MFRP: variants seen among roughly 807,000 people sequenced by gnomAD.
The protein encoded by MFRP is C1q and TNF related 5.
In MFRP, 74 loss-of-function variants were observed where a neutral mutation model predicts 65.8. The observed-to-expected ratio is 1.12, with a 90% CI of 0.93 to 1.36. The LOEUF (loss-of-function observed/expected upper bound fraction) is 1.36. MFRP is among the 40% of genes most tolerant of loss of function. The pLI is 0.00. For missense variants in MFRP, 838 were observed against 736.0 expected (o/e 1.14, Z -1.60); for synonymous variants, 336 against 288.3 (o/e 1.17, Z -1.68).
At chr11:119,344,438 C>T (rs1353832592) in intron 7 of MFRP, 47 bp from the exon 8 acceptor site, 1 of 1,586,780 alleles carries the variant, frequency 6.3e-7, no homozygotes, top group Non-Finnish European at 8.6e-7. Flanking sequence ...ATCTGTGCCT[C>T]CATCCAATAG....
chr11:119,342,826 CT>C lies in MFRP; in HGVS notation c.1255+46del, dbSNP rs752936411. On this transcript the variant is annotated intron_variant, in intron 10 of 14. Coordinates refer to ENST00000619721, the MANE Select transcript of MFRP (RefSeq NM_031433.4). The stretch of plus-strand genomic sequence containing the variant: ...GGGTCCAGAGCCCTTGTCTGTCCCC[CT>C]GGAGGTGCCTCTACTGCCCCCACCC... The C allele has an allele frequency of 1.3e-4, 203 of 1,613,074 alleles. No individual in the cohort carries two copies. In the African/African-American group the frequency reaches 2.5e-3, roughly 20 times the overall value.
At chr11:119,340,010 T>A (rs1408382426) in intron 14 of MFRP, among the ~76,000 whole-genome samples, 162 bp from the exon 15 acceptor site, 1 of 152,060 alleles carries the variant, frequency 6.6e-6, no homozygotes, top group African/African-American at 2.4e-5. Context: ...AGGGCAGATC[T>A]GGGGGGCTGG....
In MFRP at chr11:119,345,865, G is replaced by A. The variant is rs145883448; in HGVS notation, c.335C>T (p.Thr112Met). ...HSPLPAGGLTTTTTTPTITTS... is the reference protein window; with the variant it reads ...HSPLPAGGLTMTTTTPTITTS... ...GGTGATGGTGGGGGTGGTGGTGGTCGTGGTAAGGCCTCCGGCAGGCAGTGG... is the reference window on the plus strand; with the variant it reads ...GGTGATGGTGGGGGTGGTGGTGGTCATGGTAAGGCCTCCGGCAGGCAGTGG... The change falls in exon 4 of 15, where the codon ACG (threonine) becomes ATG (methionine). Residue 112 changes from threonine (T) to methionine (M), a missense_variant. Physicochemically the swap from Thr to Met is moderately conservative, Grantham distance 81. Transcript: ENST00000619721. 170 of 1,613,670 alleles carry A rather than the reference G, an allele frequency of 1.1e-4. 1 individual carries two copies. Among genetic ancestry groups the A allele is most frequent in the Non-Finnish European group, 1.3e-4 (149 of 1,179,888 alleles).
chr11:119,344,065 G>A, intron 8 of MFRP, 101 bp from the exon 9 acceptor site: 1 of 1,467,980 alleles, frequency 6.8e-7, no homozygotes, highest in South Asian at 1.2e-5. Context: ...GGGGGGATGG[G>A]GTGGTGCTTT....
In MFRP at chr11:119,339,786, C is replaced by A; in HGVS notation, c.*1173G>T. The A allele has an allele frequency of 6.6e-7, 1 of 1,513,084 alleles. No homozygotes were observed. The highest frequency in any genetic ancestry group is 8.8e-7 in the Non-Finnish European group (1 of 1,135,388). 93.7% of individuals were successfully genotyped at this position (1,513,084 alleles called of 1,614,324 possible). A position where few individuals can be genotyped will look rare whatever the true frequency, so the allele number is the denominator to read the frequency against. On this transcript the variant is annotated 3_prime_UTR_variant, in exon 15 of 15. Coordinates refer to ENST00000619721, the MANE Select transcript of MFRP (RefSeq NM_031433.4). This position sits in a 1 kb window ranked among gnomAD's most constrained non-coding sequence, Gnocchi z 5.4. ...GGCACCGAGCACTCCCCGGCAGGCCCGGTGGGCCCCGCGGGTCCCGCCTCT... is the reference window on the plus strand; with the variant it reads ...GGCACCGAGCACTCCCCGGCAGGCCAGGTGGGCCCCGCGGGTCCCGCCTCT...
At chr11:119,343,764 G>GT in intron 9 of MFRP, 52 bp downstream of exon 9, 2 of 1,609,488 alleles carry the variant, frequency 1.2e-6, no homozygotes, top group Non-Finnish European at 1.7e-6. Flanking sequence ...GAAGCCGGGG[G>GT]TGGCAGACAG....
In MFRP at chr11:119,340,179, C is replaced by G; in HGVS notation, c.*1110+5G>C. ...CCACCGATAGCCGCGGCGGTGCCTT[C>G]TTACCCGGCCTCCCGCCCTCGCCTT... On this transcript the variant is annotated splice_donor_5th_base_variant and intron_variant, in intron 14 of 14. Coordinates refer to ENST00000619721, the MANE Select transcript of MFRP (RefSeq NM_031433.4). 6.6e-7 allele frequency: 1 copy of G among 1,514,642 alleles called. No individual in the cohort carries two copies. Among genetic ancestry groups the G allele is most frequent in the East Asian group, 2.7e-5 (1 of 36,770 alleles). 93.8% of individuals were successfully genotyped at this position (1,514,642 alleles called of 1,614,324 possible). A position where few individuals can be genotyped will look rare whatever the true frequency, so the allele number is the denominator to read the frequency against.
chr11:119,342,889 G>A lies in MFRP; in HGVS notation c.1239C>T (p.Ala413=), dbSNP rs752871438. The change falls in exon 10 of 15, where the codon GCC becomes GCT. Residue 413 remains alanine, a synonymous_variant. Coordinates refer to ENST00000619721, the MANE Select transcript of MFRP (RefSeq NM_031433.4). ...GGCACCTACTCTCCGTGGCATTGAA[G>A]GCCAGGTAGGTGGCTGAGAAGCCTC... ...SSGGFSATYL[A]FNATENPCGP... 29 of 1,612,950 alleles carry A rather than the reference G, an allele frequency of 1.8e-5. No individual in the cohort carries two copies. The highest frequency in any genetic ancestry group is 2.4e-5 in the Non-Finnish European group (28 of 1,179,944).
intron 11 of MFRP, 145 bp downstream of exon 11, chr11:119,342,451 T>C (rs1022790752): frequency 9.8e-7 from 1 of 1,019,954 alleles, no homozygotes; most frequent in African/African-American, 1.6e-5. Context: ...CAGGACTCTG[T>C]GAAGTGGTCC....
chr11:119,345,346 T>C (rs1276780633), intron 5 of MFRP, 74 bp downstream of exon 5: 2 of 1,477,244 alleles, frequency 1.4e-6, no homozygotes, highest in African/African-American at 2.8e-5. Flanking sequence ...CCCTTCTCCC[T>C]GCCACTCCCT....
intron 7 of MFRP, 84 bp downstream of exon 7, chr11:119,344,548 G>C: frequency 1.2e-6 from 2 of 1,609,490 alleles, no homozygotes; most frequent in South Asian, 1.1e-5. Flanking sequence ...GGAGGGCCCG[G>C]TTTGAGGCTG....
In MFRP at chr11:119,344,741, A is replaced by T. The variant is rs1470650785; in HGVS notation, c.789T>A (p.Asp263Glu). The T allele has an allele frequency of 6.2e-7, 1 of 1,614,052 alleles. No individual in the cohort carries two copies. The highest frequency in any genetic ancestry group is 8.5e-7 in the Non-Finnish European group (1 of 1,180,028). ...MAPGRGSCAHDEFRCDQLICL... is the reference protein window; with the variant it reads ...MAPGRGSCAHEEFRCDQLICL... ...AGATGAGCTGGTCACAGCGGAACTC[A>T]TCATGGGCACAGCTCCCTGGATGTG... The change falls in exon 7 of 15, where the codon GAT (aspartate) becomes GAA (glutamate). Residue 263 changes from aspartate (D) to glutamate (E), a missense_variant. Physicochemically the swap from Asp to Glu is conservative, Grantham distance 45. Coordinates refer to ENST00000619721, the MANE Select transcript of MFRP (RefSeq NM_031433.4).
At chr11:119,340,513 C>G (rs1950492027) in intron 13 of MFRP, 73 bp from the exon 14 acceptor site, 1 of 1,141,526 alleles carries the variant, frequency 8.8e-7, no homozygotes, top group Admixed American at 2.1e-5. Context: ...CCGGCGCGGC[C>G]CAGTCGGTCC....
chr11:119,344,435 C>T (rs1950537665), intron 7 of MFRP, 44 bp from the exon 8 acceptor site: 2 of 1,590,684 alleles, frequency 1.3e-6, no homozygotes, highest in African/African-American at 1.3e-5. Flanking sequence ...AGGATCTGTG[C>T]CTCCATCCAA....
In MFRP at chr11:119,339,386, G is replaced by A. The variant is rs932791882; in HGVS notation, c.*1573C>T. The A allele has an allele frequency of 1.2e-6, 2 of 1,612,962 alleles. No homozygotes were observed. Among genetic ancestry groups the A allele is most frequent in the African/African-American group, 1.3e-5 (1 of 74,904 alleles). The stretch of plus-strand genomic sequence containing the variant: ...GGAGTACACCAGAAATCCGGAGAAG[G>A]TGCTGTCTGTCTTGATGCTGGCATA... On this transcript the variant is annotated 3_prime_UTR_variant, in exon 15 of 15. Coordinates refer to ENST00000619721, the MANE Select transcript of MFRP (RefSeq NM_031433.4). This position sits in a 1 kb window ranked among gnomAD's most constrained non-coding sequence, Gnocchi z 5.4.
In MFRP at chr11:119,339,582, G is replaced by T. The variant is rs774880041; in HGVS notation, c.*1377C>A. 6.8e-6 allele frequency: 11 copies of T among 1,613,428 alleles called. No individual in the cohort carries two copies. The highest frequency in any genetic ancestry group is 3.3e-5 in the Admixed American group (2 of 60,028). ...ACCAGATCAAACTGCAGGCTGGCCC[G>T]GTAGACGGTGGCATGGACGGCGAAG... On this transcript the variant is annotated 3_prime_UTR_variant, in exon 15 of 15. Transcript: ENST00000619721. The surrounding 1 kb of genome is among the most constrained non-coding windows in gnomAD (Gnocchi z 5.4).
At position 119,339,286 on chromosome 11, in the gene MFRP, C is replaced by T. The variant is rs1271816637; in HGVS notation, c.*1673G>A. 3.8e-6 allele frequency: 6 copies of T among 1,589,688 alleles called. No homozygotes were observed. Among genetic ancestry groups the T allele is most frequent in the Non-Finnish European group, 5.1e-6 (6 of 1,166,204 alleles). ...GGATGACCTGGTTGTCAGCCTCACACCCTCCTTCTAGGAGTGAGAGCATGA... is the reference window on the plus strand; with the variant it reads ...GGATGACCTGGTTGTCAGCCTCACATCCTCCTTCTAGGAGTGAGAGCATGA... On this transcript the variant is annotated 3_prime_UTR_variant, in exon 15 of 15. Coordinates refer to ENST00000619721, the MANE Select transcript of MFRP (RefSeq NM_031433.4). This position sits in a 1 kb window ranked among gnomAD's most constrained non-coding sequence, Gnocchi z 5.4.
At position 119,339,270 on chromosome 11, in the gene MFRP, G is replaced by C; in HGVS notation, c.*1689C>G. The stretch of plus-strand genomic sequence containing the variant: ...GGGGGCCAGCCCTCCTGGATGACCT[G>C]GTTGTCAGCCTCACACCCTCCTTCT... On this transcript the variant is annotated 3_prime_UTR_variant, in exon 15 of 15. Coordinates refer to ENST00000619721, the MANE Select transcript of MFRP (RefSeq NM_031433.4). The surrounding 1 kb of genome is among the most constrained non-coding windows in gnomAD (Gnocchi z 5.4). 1 of 1,563,366 alleles carries C rather than the reference G, an allele frequency of 6.4e-7. No homozygotes were observed. The highest frequency in any genetic ancestry group is 8.7e-7 in the Non-Finnish European group (1 of 1,150,198).
rs1950486304 is a variant in MFRP, at chr11:119,340,138, G to C, written c.*1110+46C>G. 2.0e-6 allele frequency: 3 copies of C among 1,494,612 alleles called. No homozygotes were observed. The Admixed American group carries it at 6.9e-5, about 35-fold the overall frequency. 92.6% of individuals were successfully genotyped at this position (1,494,612 alleles called of 1,614,324 possible). On this transcript the variant is annotated intron_variant, in intron 14 of 14. Transcript: ENST00000619721. ...CACCGGGAGCTGGAGCTGCGGCCGC[G>C]CCTGCTCGGACATCGCCACCGATAG...
Sources: gnomAD v4.1 joint callset for allele counts (sites outside exome capture counted in the v4.1 genomes callset) on GRCh38, gnomAD v4.1.1 for gene constraint, Gnocchi (gnomAD v3.1) non-coding constraint, MANE v1.5 for transcripts, NCBI Gene and HGNC (gene_info 2026-07-23, HGNC 2026-07-21) for gene names.